The following RPSA2 variants were observed in gnomAD, a reference collection of about 807,000 sequenced individuals.
RPSA2 encodes the protein ribosomal protein SA 2.
the RPSA2 span, chr19:23,763,190 G>A: frequency 6.5e-6 from 1 of 153,860 alleles, no homozygotes; most frequent in Non-Finnish European, 1.5e-5. Context: ...GAAACCAGCA[G>A]AACCGGCCTC....
the RPSA2 span, among the ~76,000 whole-genome samples, chr19:23,859,517 C>T: frequency 6.6e-6 from 1 of 152,054 alleles, no homozygotes; most frequent in African/African-American, 2.4e-5. Context: ...ATCCCAGCAA[C>T]CCAGGATGCT....
chr19:23,856,617 C>T, the RPSA2 span, among the ~76,000 whole-genome samples: 2 of 152,142 alleles, frequency 1.3e-5, no homozygotes, highest in East Asian at 1.9e-4. Flanking sequence ...TGTTGGCATG[C>T]CAGATATTGG....
chr19:23,833,987 A>G, the RPSA2 span, among the ~76,000 whole-genome samples: 1 of 152,084 alleles, frequency 6.6e-6, no homozygotes, highest in Admixed American at 6.5e-5. Flanking sequence ...ACAAATTATA[A>G]AACACCAAAG....
At chr19:23,760,669 A>G in the RPSA2 span, among the ~76,000 whole-genome samples, 29 of 83,326 alleles carry the variant, frequency 3.5e-4, no homozygotes, top group African/African-American at 1.1e-3. Context: ...ATATATATAT[A>G]TTTTTTTTTT....
chr19:23,850,367 G>A, the RPSA2 span, among the ~76,000 whole-genome samples: 1 of 141,458 alleles, frequency 7.1e-6, no homozygotes, highest in Non-Finnish European at 1.5e-5. Context: ...GAGAAGAACA[G>A]AGGGATGTTA....
At chr19:23,833,107 CAT>C in the RPSA2 span, 1 of 1,249,908 alleles carries the variant, frequency 8.0e-7, no homozygotes, top group Non-Finnish European at 1.0e-6. Context: ...CTTTACTAAA[CAT>C]AAGGTAATTC....
chr19:23,780,178 T>C, the RPSA2 span, among the ~76,000 whole-genome samples: 1 of 152,128 alleles, frequency 6.6e-6, no homozygotes, highest in African/African-American at 2.4e-5. Flanking sequence ...CACTCTCTCG[T>C]ATATTGTATA....
chr19:23,831,646 A>C, the RPSA2 span: 2 of 203,198 alleles, frequency 9.8e-6, no homozygotes. Flanking sequence ...AGGGCATGGA[A>C]GATTCCTTTT....
At chr19:23,796,634 A>C in the RPSA2 span, among the ~76,000 whole-genome samples, 2 of 151,254 alleles carry the variant, frequency 1.3e-5, no homozygotes, top group African/African-American at 4.9e-5. Flanking sequence ...TGAGCTTCTT[A>C]CTCATCTATT....
At chr19:23,837,269 G>T in the RPSA2 span, among the ~76,000 whole-genome samples, 1 of 151,946 alleles carries the variant, frequency 6.6e-6, no homozygotes, top group Non-Finnish European at 1.5e-5. Context: ...GTTTTTGTTT[G>T]CTTTGTTGAA....
the RPSA2 span, among the ~76,000 whole-genome samples, chr19:23,811,071 T>C: frequency 6.7e-6 from 1 of 149,592 alleles, no homozygotes; most frequent in Admixed American, 6.7e-5. Context: ...CAGTGGCGAA[T>C]GCAGTGGCAC....
chr19:23,832,265 T>G, the RPSA2 span: 3 of 448,468 alleles, frequency 6.7e-6, no homozygotes, highest in South Asian at 3.5e-5. Flanking sequence ...TTCTCAACCC[T>G]TACGAAACAT....
the RPSA2 span, among the ~76,000 whole-genome samples, chr19:23,870,264 G>C: frequency 6.6e-6 from 1 of 152,196 alleles, no homozygotes; most frequent in Non-Finnish European, 1.5e-5. Context: ...AGGACTGGAG[G>C]CATGCAGCCA....
At chr19:23,823,903 A>C in the RPSA2 span, 1 of 152,200 alleles carries the variant, frequency 6.6e-6, no homozygotes. Context: ...TTGGGGTCTC[A>C]CACCTAAAGG....
the RPSA2 span, among the ~76,000 whole-genome samples, chr19:23,782,984 G>C: frequency 6.6e-6 from 1 of 152,024 alleles, no homozygotes; most frequent in Non-Finnish European, 1.5e-5. Context: ...GCTACTGCTT[G>C]GGGTGTGCTT....
the RPSA2 span, among the ~76,000 whole-genome samples, chr19:23,798,000 T>C: frequency 6.6e-6 from 1 of 152,324 alleles, no homozygotes; most frequent in East Asian, 1.9e-4. Context: ...TAGATTTTTA[T>C]CTCCTTTTTT....
the RPSA2 span, among the ~76,000 whole-genome samples, chr19:23,858,098 A>G: frequency 2.6e-5 from 3 of 117,418 alleles, no homozygotes; most frequent in Admixed American, 3.0e-4. Context: ...TTTCTTGAGT[A>G]TAAGCAAATA....
chr19:23,810,287 G>A, the RPSA2 span, among the ~76,000 whole-genome samples: 2 of 151,636 alleles, frequency 1.3e-5, no homozygotes, highest in African/African-American at 4.8e-5. Flanking sequence ...CCAGCTACTC[G>A]GGAGGCTGAG....
chr19:23,870,979 C>A, the RPSA2 span, among the ~76,000 whole-genome samples: 1 of 152,292 alleles, frequency 6.6e-6, no homozygotes, highest in East Asian at 1.9e-4. Context: ...AGATTATCTA[C>A]TGGGACATCT....
Sources: allele counts gnomAD v4.1 joint callset (sites outside exome capture counted in the v4.1 genomes callset), GRCh38; gene constraint gnomAD v4.1.1; transcripts MANE v1.5; gene names NCBI Gene and HGNC (gene_info 2026-07-23, HGNC 2026-07-21).